Variants in KMT5A observed in about 807,000 individuals in gnomAD.
KMT5A encodes the protein lysine methyltransferase 5A.
KMT5A carries 6 observed loss-of-function variants against 40.6 expected under a neutral mutation model. The ratio of observed to expected loss-of-function variants is 0.15; its 90% CI spans 0.08 to 0.29. The LOEUF (loss-of-function observed/expected upper bound fraction) is 0.29, where lower values mean the gene tolerates loss of function less well. Ranked by LOEUF, KMT5A falls within the 10% of genes least tolerant of loss-of-function variation. The pLI is 1.00. For synonymous variants in KMT5A, 153 were observed against 178.8 expected (o/e 0.86, Z 1.15); for missense variants, 308 against 459.1 (o/e 0.67, Z 3.01).
rs745678227 is a variant in KMT5A at position 123,390,645 on chromosome 12, G to A, written c.148G>A (p.Gly50Arg). The change falls in exon 3 of 8, where the codon GGG becomes AGG. Residue 50 changes from glycine (G) to arginine (R), a missense_variant. Physicochemically the swap from Gly to Arg is moderately radical, Grantham distance 125. Coordinates refer to ENST00000402868, the MANE Select transcript of KMT5A (RefSeq NM_020382.7). ...PRTDGENVFT[G>R]QSKIYSYMSP... ...GTCTTTTTAGGAGAACGTATTTACC[G>A]GGCAGTCAAAGATCTATTCCTACAT... 1.9e-6 allele frequency: 3 copies of A among 1,613,478 alleles called. No individual in the cohort carries two copies. The highest frequency in any genetic ancestry group is 1.1e-5 in the South Asian group (1 of 91,028).
chr12:123,389,465 G>A lies in KMT5A; in HGVS notation c.43G>A (p.Ala15Thr). Residue 15 changes from alanine (A) to threonine (T), a missense_variant, in exon 2 of 8, where the codon GCG becomes ACG. This residue lies in a region of KMT5A where 92 missense variants were observed against 78.3 expected (regional missense o/e 1.18). Coordinates refer to ENST00000402868, the MANE Select transcript of KMT5A (RefSeq NM_020382.7). Reference sequence around the variant, plus strand: ...GATGTCCAAGCCCCGCGCGGTGGAGGCGGCGGCGGCGGCGGCGGCGGTGGC... The same window carrying A: ...GATGTCCAAGCCCCGCGCGGTGGAGACGGCGGCGGCGGCGGCGGCGGTGGC... ...RKMSKPRAVE[A>T]AAAAAAVAAT... 1 of 1,071,730 alleles carries A rather than the reference G, an allele frequency of 9.3e-7. No homozygotes were observed. The allele number at this position is 1,071,730 out of a possible 1,614,324, so 66.4% of individuals were successfully genotyped here.
At position 123,408,096 on chromosome 12, in the gene KMT5A, C is replaced by T. The variant is rs1407677062; in HGVS notation, c.*393C>T. On this transcript the variant is annotated 3_prime_UTR_variant, in exon 8 of 8. Coordinates refer to ENST00000402868, the MANE Select transcript of KMT5A (RefSeq NM_020382.7). ...AGCCGGGACCTTCCCCCTGCACCCC[C>T]GACATCCAGGGACGGGGTGTGAGGA... The T allele has an allele frequency of 1.5e-5, 3 of 203,568 alleles. No homozygotes were observed. In the Admixed American group the frequency reaches 1.7e-4, roughly 11 times the overall value. The allele number at this position is 203,568 out of a possible 1,614,324, so 12.6% of individuals were successfully genotyped here. A position where few individuals can be genotyped will look rare whatever the true frequency, so the allele number is the denominator to read the frequency against.
intron 3 of KMT5A, chr12:123,391,547 T>G (rs946345882): frequency 1.3e-5 from 2 of 152,358 alleles, no homozygotes; most frequent in Admixed American, 1.3e-4. Context: ...GGTGTTAGTT[T>G]CTGAAGCAGC....
intron 5 of KMT5A, among the ~76,000 whole-genome samples, chr12:123,397,353 G>A (rs1305760937): frequency 6.6e-6 from 1 of 152,238 alleles, no homozygotes; most frequent in Non-Finnish European, 1.5e-5. Flanking sequence ...CCACCGGGTT[G>A]GGAGAGGTGC....
In KMT5A at chr12:123,390,622, C is replaced by G. The variant is rs780847080; in HGVS notation, c.133-8C>G. Reference sequence around the variant, plus strand: ...AGCCTCTTTCAGAATATGCTTTTGTCTTTTTAGGAGAACGTATTTACCGGG... The same window carrying G: ...AGCCTCTTTCAGAATATGCTTTTGTGTTTTTAGGAGAACGTATTTACCGGG... On this transcript the variant is annotated splice_polypyrimidine_tract_variant and splice_region_variant and intron_variant, in intron 2 of 7. Transcript: ENST00000402868. 1.2e-6 allele frequency: 2 copies of G among 1,613,126 alleles called. No homozygotes were observed. The highest frequency in any genetic ancestry group is 1.7e-6 in the Non-Finnish European group (2 of 1,179,616).
intron 1 of KMT5A, among the ~76,000 whole-genome samples, chr12:123,385,376 C>T (rs994087733): frequency 1.3e-5 from 2 of 152,124 alleles, no homozygotes; most frequent in African/African-American, 2.4e-5. Flanking sequence ...TGTTAAGCAT[C>T]TAAAAGTATA....
chr12:123,400,789 T>C (rs534787799), intron 5 of KMT5A, among the ~76,000 whole-genome samples: 1 of 152,264 alleles, frequency 6.6e-6, no homozygotes, highest in South Asian at 2.1e-4. Flanking sequence ...ATTGGTATAT[T>C]ACTGTTGGTT....
chr12:123,388,566 G>C (rs946295446), intron 1 of KMT5A: 1 of 151,988 alleles, frequency 6.6e-6, no homozygotes, highest in South Asian at 2.1e-4. Flanking sequence ...TGTAAGCTGG[G>C]ATGCCGACAG....
chr12:123,394,955 C>T (rs1236534237), intron 3 of KMT5A, 92 bp from the exon 4 acceptor site: 2 of 1,204,282 alleles, frequency 1.7e-6, no homozygotes, highest in South Asian at 1.4e-5. Flanking sequence ...AGGATCCTGT[C>T]TTCTCAAAGC....
At chr12:123,389,142 AGGGCGCGGGGC>A (rs1877067592) in intron 1 of KMT5A, 2 of 1,154 alleles carry the variant, frequency 1.7e-3, no homozygotes, top group Admixed American at 8.6e-3. Context: ...GGCGGCGGCG[AGGGCGCGGGGC>A]GCGCCGCCAT....
intron 1 of KMT5A, chr12:123,389,165 GGCC>G (rs1184920112): frequency 2.5e-4 from 14 of 56,556 alleles, no homozygotes; most frequent in Non-Finnish European, 4.8e-4. Flanking sequence ...CGCCGCCATG[GGCC>G]TGGCCGGGCT....
chr12:123,391,673 A>G (rs1877327900), intron 3 of KMT5A, among the ~76,000 whole-genome samples: 1 of 152,230 alleles, frequency 6.6e-6, no homozygotes, highest in South Asian at 2.1e-4. Context: ...CTCTAATCCA[A>G]ATATTCCCTT....
chr12:123,387,032 T>C (rs1876914784), intron 1 of KMT5A, among the ~76,000 whole-genome samples: 1 of 152,130 alleles, frequency 6.6e-6, no homozygotes, highest in African/African-American at 2.4e-5. Flanking sequence ...AATTTTTGTA[T>C]TTTTAGTAGA....
chr12:123,393,311 C>T (rs1051610130), intron 3 of KMT5A, among the ~76,000 whole-genome samples: 4 of 152,110 alleles, frequency 2.6e-5, no homozygotes, highest in African/African-American at 9.7e-5. Flanking sequence ...AGTCTAATTC[C>T]AGAACGTTTC....
intron 5 of KMT5A, 66 bp from the exon 6 acceptor site, chr12:123,403,507 C>A: frequency 7.0e-6 from 11 of 1,575,768 alleles, no homozygotes; most frequent in African/African-American, 1.3e-5. Context: ...GGGCTCAAGA[C>A]CATCAAGCTA....
chr12:123,402,354 C>G (rs970722280), intron 5 of KMT5A, among the ~76,000 whole-genome samples: 3 of 152,200 alleles, frequency 2.0e-5, no homozygotes, highest in African/African-American at 7.2e-5. Context: ...GGATTTGGGA[C>G]TGTCCTTGAG....
intron 7 of KMT5A, 51 bp from the exon 8 acceptor site, chr12:123,407,442 T>C (rs761318630): frequency 3.2e-6 from 5 of 1,571,444 alleles, no homozygotes; most frequent in Non-Finnish European, 4.4e-6. Context: ...CTCTTCAGGT[T>C]GAAAAGCCTC....
In KMT5A at chr12:123,386,560, T is replaced by C. The variant is rs992546930; in HGVS notation, c.10+2352T>C. ...ACCAAATCATTTACAGCACTTCAAA[T>C]GAACAGTCTTTTTCTTCTAGAAAAT... On this transcript the variant is annotated intron_variant, in intron 1 of 7. Transcript: ENST00000402868. 1.1e-4 allele frequency among the ~76,000 whole-genome samples: 17 copies of C among 152,200 alleles called. 1 individual carries two copies. The highest frequency in any genetic ancestry group is 1.5e-5 in the Non-Finnish European group (1 of 68,038).
At chr12:123,391,689 G>A (rs1050463532) in intron 3 of KMT5A, among the ~76,000 whole-genome samples, 1 of 152,240 alleles carries the variant, frequency 6.6e-6, no homozygotes, top group Non-Finnish European at 1.5e-5. Context: ...CCCTTTCAAA[G>A]CTGCAGTGGG....
Sources: gnomAD v4.1 joint callset for allele counts (sites outside exome capture counted in the v4.1 genomes callset) on GRCh38, gnomAD v4.1.1 for gene constraint, gnomAD v4.1.1 regional missense constraint, MANE v1.5 for transcripts, NCBI Gene and HGNC (gene_info 2026-07-23, HGNC 2026-07-21) for gene names.